Variants in KCNN2 observed in about 807,000 individuals in gnomAD.
KCNN2 encodes small conductance calcium-activated potassium channel protein 2.
A neutral mutation model predicts 55.5 loss-of-function variants in KCNN2; 24 were observed. That is an observed-to-expected ratio of 0.43 (90% CI 0.31 to 0.61). KCNN2 has a LOEUF of 0.61. Among genes scored for constraint, KCNN2 ranks in the 20% least tolerant of loss-of-function variants. The pLI is 0.08. For missense variants in KCNN2, 754 were observed against 853.6 expected (o/e 0.88, Z 1.45); for synonymous variants, 431 against 336.1 (o/e 1.28, Z -3.09).
chr5:114,320,839 A>G (rs995517166), intron 2 of KCNN2, among the ~76,000 whole-genome samples: 2 of 152,172 alleles, frequency 1.3e-5, no homozygotes, highest in African/African-American at 4.8e-5. Flanking sequence ...AGTTGATGCT[A>G]TCTTTTTCAG....
intron 2 of KCNN2, among the ~76,000 whole-genome samples, chr5:114,229,801 A>G (rs1035918733): frequency 5.3e-5 from 8 of 152,180 alleles, no homozygotes; most frequent in African/African-American, 1.9e-4. Context: ...AAATATGGCA[A>G]TGTGGTGAAA....
intron 1 of KCNN2, among the ~76,000 whole-genome samples, chr5:114,209,790 A>G (rs2112580761): frequency 6.6e-6 from 1 of 152,342 alleles, no homozygotes; most frequent in East Asian, 1.9e-4. Context: ...CCAGATGCGT[A>G]TTGCTGAAAT....
At chr5:114,371,833 C>T (rs1757766626) in intron 2 of KCNN2, among the ~76,000 whole-genome samples, 1 of 152,040 alleles carries the variant, frequency 6.6e-6, no homozygotes, top group Admixed American at 6.6e-5. Flanking sequence ...AGAAACATAC[C>T]CAGCACTTTC....
At chr5:114,474,965 A>C (rs769808456) in intron 5 of KCNN2, among the ~76,000 whole-genome samples, 2 of 152,152 alleles carry the variant, frequency 1.3e-5, no homozygotes, top group African/African-American at 4.8e-5. Flanking sequence ...TCCATGTTTC[A>C]TAAGCAGATT....
At chr5:114,305,794 C>T (rs1756257758) in intron 2 of KCNN2, among the ~76,000 whole-genome samples, 1 of 152,154 alleles carries the variant, frequency 6.6e-6, no homozygotes, top group Non-Finnish European at 1.5e-5. Context: ...CCAGTGCCCT[C>T]TATTGACAAA....
intron 2 of KCNN2, among the ~76,000 whole-genome samples, chr5:114,343,469 G>A (rs1160818042): frequency 2.6e-5 from 4 of 152,172 alleles, no homozygotes; most frequent in Non-Finnish European, 4.4e-5. Flanking sequence ...ACTAAAATAA[G>A]AGGTAGGATT....
chr5:114,294,011 T>G (rs928181929), intron 2 of KCNN2, among the ~76,000 whole-genome samples: 66 of 152,324 alleles, frequency 4.3e-4, no homozygotes, highest in African/African-American at 1.5e-3. Context: ...CGATGGTAGT[T>G]TGTATTTCTG....
chr5:114,148,890 T>G (rs897134650), intron 1 of KCNN2, among the ~76,000 whole-genome samples: 2 of 152,004 alleles, frequency 1.3e-5, no homozygotes, highest in African/African-American at 4.8e-5. Flanking sequence ...CCGTGTTAAC[T>G]TGTGGCAGTT....
chr5:114,217,457 T>C (rs1011645609), intron 1 of KCNN2, among the ~76,000 whole-genome samples: 2 of 151,984 alleles, frequency 1.3e-5, no homozygotes, highest in Non-Finnish European at 2.9e-5. Flanking sequence ...ATAAATGTAG[T>C]CAACTAAGCA....
intron 2 of KCNN2, among the ~76,000 whole-genome samples, chr5:114,350,094 A>G (rs1668795646): frequency 6.6e-6 from 1 of 151,734 alleles, no homozygotes; most frequent in African/African-American, 2.4e-5. Flanking sequence ...TGGCTTATTT[A>G]TTCTTTTAAA....
At chr5:114,217,438 A>T (rs1754029594) in intron 1 of KCNN2, among the ~76,000 whole-genome samples, 1 of 152,148 alleles carries the variant, frequency 6.6e-6, no homozygotes, top group African/African-American at 2.4e-5. Flanking sequence ...AGGGGAAAAA[A>T]ATCGCCACAT....
chr5:114,177,636 G>T (rs199517285), intron 1 of KCNN2, among the ~76,000 whole-genome samples: 1 of 124,740 alleles, frequency 8.0e-6, no homozygotes, highest in South Asian at 2.7e-4. Flanking sequence ...TCCTGAAACA[G>T]ATATTTAATA....
At chr5:114,272,954 T>G (rs1755388293) in intron 2 of KCNN2, among the ~76,000 whole-genome samples, 1 of 152,136 alleles carries the variant, frequency 6.6e-6, no homozygotes, top group Admixed American at 6.6e-5. Flanking sequence ...GGTATACACG[T>G]GCCATGAGTG....
chr5:114,246,612 TG>T, intron 2 of KCNN2, among the ~76,000 whole-genome samples: 1 of 152,306 alleles, frequency 6.6e-6, no homozygotes, highest in East Asian at 1.9e-4. Flanking sequence ...TTAGAGCTAC[TG>T]TACCTTTATT....
chr5:114,375,902 T>C (rs1198794483), intron 2 of KCNN2, among the ~76,000 whole-genome samples: 1 of 147,542 alleles, frequency 6.8e-6, no homozygotes, highest in Non-Finnish European at 1.5e-5. Context: ...TGATTTTGTA[T>C]TCACTGGCTC....
At chr5:114,151,105 A>AT (rs2112517721) in intron 1 of KCNN2, among the ~76,000 whole-genome samples, 1 of 44,754 alleles carries the variant, frequency 2.2e-5, no homozygotes, top group African/African-American at 5.0e-5. Flanking sequence ...TTTGTTTTTG[A>AT]ATTTTTTTTT....
intron 2 of KCNN2, among the ~76,000 whole-genome samples, chr5:114,350,824 G>A (rs1194482488): frequency 1.3e-5 from 2 of 151,804 alleles, no homozygotes; most frequent in Non-Finnish European, 3.0e-5. Flanking sequence ...ACATATCTAT[G>A]TTATGCCATT....
intron 1 of KCNN2, among the ~76,000 whole-genome samples, chr5:114,071,899 C>A (rs1324336190): frequency 1.3e-5 from 2 of 152,148 alleles, no homozygotes; most frequent in Non-Finnish European, 2.9e-5. Flanking sequence ...GGTGGGGCCT[C>A]ATAAAAGATG....
chr5:114,309,028 T>C (rs3112771), intron 2 of KCNN2, among the ~76,000 whole-genome samples: 149,740 of 152,250 alleles, frequency 0.98, 73,683 homozygotes, highest in Non-Finnish European at 1. Flanking sequence ...TGTTTAATTC[T>C]AACACTTGAT....
Sources: allele counts gnomAD v4.1 joint callset (sites outside exome capture counted in the v4.1 genomes callset), GRCh38; gene constraint gnomAD v4.1.1; transcripts MANE v1.5; gene names NCBI Gene and HGNC (gene_info 2026-07-23, HGNC 2026-07-21).